The following TUSC3 variants were observed in gnomAD, a reference collection of about 807,000 sequenced individuals.
The protein encoded by TUSC3 is tumor suppressor candidate 3, also known as dolichyl-diphosphooligosaccharide--protein glycosyltransferase subunit TUSC3.
TUSC3 carries 45 observed loss-of-function variants against 44.8 expected under a neutral mutation model. That is an observed-to-expected ratio of 1.00 (90% CI 0.79 to 1.29). The LOEUF (loss-of-function observed/expected upper bound fraction) is 1.29. Among genes scored for constraint, TUSC3 ranks in the 50% most tolerant of loss-of-function variants. TUSC3 has a pLI of 0.00. For missense variants in TUSC3, 519 were observed against 437.9 expected (o/e 1.19, Z -1.65); for synonymous variants, 212 against 152.9 (o/e 1.39, Z -2.85).
At chr8:15,651,452 G>A (rs1426147038) in intron 3 of TUSC3, among the ~76,000 whole-genome samples, 6 of 152,158 alleles carry the variant, frequency 3.9e-5, no homozygotes, top group African/African-American at 1.2e-4. Context: ...AGCTTCTGGC[G>A]TGACTGTATT....
intron 6 of TUSC3, among the ~76,000 whole-genome samples, chr8:15,716,245 G>C (rs1022642577): frequency 6.6e-6 from 1 of 152,052 alleles, no homozygotes; most frequent in African/African-American, 2.4e-5. Flanking sequence ...GACAGAGTGA[G>C]ACTCTTTCTC....
chr8:15,417,333 T>C (rs778645441), intron 1 of TUSC3: 1 of 152,314 alleles, frequency 6.6e-6, no homozygotes, highest in South Asian at 2.1e-4. Flanking sequence ...CTTTTCTTTA[T>C]AAATTACACA....
intron 2 of TUSC3, among the ~76,000 whole-genome samples, chr8:15,645,869 T>C (rs1292084974): frequency 6.6e-6 from 1 of 152,044 alleles, no homozygotes; most frequent in Non-Finnish European, 1.5e-5. Flanking sequence ...CATTATCCAG[T>C]GACATAAATC....
chr8:15,601,207 G>T (rs568773104), intron 1 of TUSC3, among the ~76,000 whole-genome samples: 14 of 151,806 alleles, frequency 9.2e-5, no homozygotes, highest in South Asian at 6.2e-4. Flanking sequence ...TTGACAGGCA[G>T]TATTTGAATT....
intron 2 of TUSC3, among the ~76,000 whole-genome samples, chr8:15,487,198 G>T (rs1431751218): frequency 6.6e-6 from 1 of 152,058 alleles, no homozygotes; most frequent in Admixed American, 6.6e-5. Flanking sequence ...TTCTTTCAAT[G>T]ATCTGACCGT....
Position 15,766,124 on chromosome 8 carries a change from G to A in TUSC3, c.*1968G>A, listed in dbSNP as rs1812318723. 2 of 151,862 alleles carry A rather than the reference G, an allele frequency of 1.3e-5. No individual in the cohort carries two copies. Among genetic ancestry groups the A allele is most frequent in the African/African-American group, 2.4e-5 (1 of 41,338 alleles). 9.4% of individuals were successfully genotyped at this position (151,862 alleles called of 1,614,324 possible). The stretch of plus-strand genomic sequence containing the variant: ...GCTCTTATTTTCTAATTTCCTCTGA[G>A]CATTTAAAATTACATCCAGTGATAA... On this transcript the variant is annotated 3_prime_UTR_variant, in exon 11 of 11. Transcript: ENST00000503731.
Position 15,529,788 on chromosome 8 carries a change from GT to G in TUSC3, n.189+46325del, listed in dbSNP as rs35344827. Among the ~76,000 whole-genome samples, 408 of 106,944 alleles carry G rather than the reference GT, an allele frequency of 3.8e-3. 4 individuals are homozygous for G. Among genetic ancestry groups the G allele is most frequent in the African/African-American group, 0.011 (302 of 28,428 alleles). The allele number at this position is 106,944 out of a possible 152,430, so 70.2% of individuals were successfully genotyped here. ...ATATGTATAGTAATTCTGTGAAAAA[GT>G]TTTTTTTTTTTTTTTTTTTGAGACG... On this transcript the variant is annotated intron_variant and non_coding_transcript_variant, in intron 2 of 5. Transcript: ENST00000503191.
chr8:15,674,287 G>C (rs1394027344), intron 6 of TUSC3, among the ~76,000 whole-genome samples: 1 of 151,982 alleles, frequency 6.6e-6, no homozygotes, highest in Non-Finnish European at 1.5e-5. Context: ...AGAATTAAAA[G>C]TGAAATTGAT....
intron 2 of TUSC3, among the ~76,000 whole-genome samples, chr8:15,518,545 G>T (rs1324578096): frequency 6.6e-6 from 1 of 152,026 alleles, no homozygotes; most frequent in African/African-American, 2.4e-5. Flanking sequence ...AGTGTCTCAA[G>T]TCACTTCTCC....
Position 15,540,623 on chromosome 8 carries a change from C to A in TUSC3, c.138+55C>A, listed in dbSNP as rs1001457016. 14 of 1,479,764 alleles carry A rather than the reference C, an allele frequency of 9.5e-6. No homozygotes were observed. The African/African-American group carries it at 1.4e-4, about 15-fold the overall frequency. The allele number at this position is 1,479,764 out of a possible 1,614,324, so 91.7% of individuals were successfully genotyped here. ...TGGGCGGGGGCGGGCCAGGGTGGGCCGCGTTGCCAGGCAGCCCTGCCGTGT... is the reference window on the plus strand; with the variant it reads ...TGGGCGGGGGCGGGCCAGGGTGGGCAGCGTTGCCAGGCAGCCCTGCCGTGT... On this transcript the variant is annotated intron_variant, in intron 1 of 10. Coordinates refer to ENST00000503731, the MANE Select transcript of TUSC3 (RefSeq NM_006765.4).
intron 1 of TUSC3, among the ~76,000 whole-genome samples, chr8:15,613,086 A>G (rs1804832355): frequency 6.7e-6 from 1 of 148,544 alleles, no homozygotes; most frequent in South Asian, 2.1e-4. Flanking sequence ...TATATCATAT[A>G]TATGTATTTT....
chr8:15,540,133 G>A (rs1801624247), upstream of TUSC3: 1 of 377,506 alleles, frequency 2.6e-6, no homozygotes, highest in Admixed American at 4.8e-5. Context: ...CTCAGCGCTG[G>A]TCCGGGAAAG....
At chr8:15,645,308 G>C (rs1459587199) in intron 2 of TUSC3, among the ~76,000 whole-genome samples, 1 of 152,096 alleles carries the variant, frequency 6.6e-6, no homozygotes, top group Admixed American at 6.5e-5. Flanking sequence ...CTTGAACACA[G>C]AATACACATT....
intron 1 of TUSC3, among the ~76,000 whole-genome samples, chr8:15,472,311 G>A (rs1800504334): frequency 6.6e-6 from 1 of 152,152 alleles, no homozygotes; most frequent in African/African-American, 2.4e-5. Context: ...CAGACTTTCA[G>A]ACTAGACAGT....
chr8:15,681,639 C>T (rs1458887393), intron 6 of TUSC3, among the ~76,000 whole-genome samples: 1 of 148,394 alleles, frequency 6.7e-6, no homozygotes, highest in East Asian at 2.0e-4. Flanking sequence ...TTCATTGATT[C>T]TTTATATGGA....
chr8:15,438,272 T>C (rs1799977025), intron 1 of TUSC3, among the ~76,000 whole-genome samples: 2 of 152,074 alleles, frequency 1.3e-5, no homozygotes, highest in African/African-American at 4.8e-5. Flanking sequence ...TTTTTGTACT[T>C]TTTAGTAGAG....
chr8:15,720,190 GTA>G lies in TUSC3; in HGVS notation c.799-10465_799-10464del, dbSNP rs146671801. Among the ~76,000 whole-genome samples the G allele has an allele frequency of 9.6e-3, 1,298 of 135,048 alleles. 7 individuals carry two copies. The highest frequency in any genetic ancestry group is 0.02 in the Middle Eastern group (5 of 248). The allele number at this position is 135,048 out of a possible 152,430, so 88.6% of individuals were successfully genotyped here. A position where few individuals can be genotyped will look rare whatever the true frequency, so the allele number is the denominator to read the frequency against. On this transcript the variant is annotated intron_variant, in intron 6 of 10. Transcript: ENST00000503731. ...GTGATATATCATTGTTAAATATAGT[GTA>G]TATATATATACACACACACACACAC... is the stretch of plus-strand genomic sequence containing the variant.
At chr8:15,605,853 G>C (rs916431724) in intron 1 of TUSC3, among the ~76,000 whole-genome samples, 3 of 151,918 alleles carry the variant, frequency 2.0e-5, no homozygotes, top group Non-Finnish European at 2.9e-5. Context: ...TACGTTATAG[G>C]CTACTGTCAT....
intron 1 of TUSC3, among the ~76,000 whole-genome samples, chr8:15,586,721 C>A (rs1353737172): frequency 6.6e-6 from 1 of 152,132 alleles, no homozygotes; most frequent in African/African-American, 2.4e-5. Context: ...TCACTCATAG[C>A]TGAGCATACC....
Sources: allele counts gnomAD v4.1 joint callset (sites outside exome capture counted in the v4.1 genomes callset), GRCh38; gene constraint gnomAD v4.1.1; transcripts MANE v1.5; gene names NCBI Gene and HGNC (gene_info 2026-07-23, HGNC 2026-07-21).